TANC2: variants seen among roughly 807,000 people sequenced by gnomAD.
The protein encoded by TANC2 is protein TANC2.
In TANC2, 26 loss-of-function variants were observed where a neutral mutation model predicts 210.5. The observed-to-expected ratio is 0.12, with a 90% CI of 0.09 to 0.17. The LOEUF (loss-of-function observed/expected upper bound fraction) is 0.17. Among genes scored for constraint, TANC2 ranks in the 10% least tolerant of loss-of-function variants. TANC2 has a pLI of 1.00. For missense variants in TANC2, 2,129 were observed against 2,608.9 expected (o/e 0.82, Z 4.01); for synonymous variants, 931 against 967.1 (o/e 0.96, Z 0.69).
chr17:63,191,572 C>T (rs1293669514), intron 5 of TANC2, among the ~76,000 whole-genome samples: 4 of 152,034 alleles, frequency 2.6e-5, no homozygotes, highest in East Asian at 1.9e-4. Context: ...AAGCAGTTCT[C>T]CTGCCTCAGT....
intron 9 of TANC2, among the ~76,000 whole-genome samples, chr17:63,308,395 G>A (rs772837311): frequency 3.9e-5 from 6 of 152,034 alleles, no homozygotes; most frequent in African/African-American, 7.2e-5. Flanking sequence ...ATTATAGTGA[G>A]TAGTAGTCTT....
intron 6 of TANC2, among the ~76,000 whole-genome samples, chr17:63,196,505 G>T (rs891116927): frequency 6.6e-6 from 1 of 152,110 alleles, no homozygotes; most frequent in Non-Finnish European, 1.5e-5. Context: ...TTGAGATTCC[G>T]CATGTCACAG....
At chr17:63,013,385 C>T (rs914875547) in intron 2 of TANC2, among the ~76,000 whole-genome samples, 2 of 152,106 alleles carry the variant, frequency 1.3e-5, no homozygotes, top group Admixed American at 1.3e-4. Context: ...TAAAGGCAAC[C>T]TGCCACTTTT....
intron 4 of TANC2, among the ~76,000 whole-genome samples, chr17:63,109,846 T>C (rs1361136684): frequency 1.3e-5 from 2 of 151,700 alleles, no homozygotes; most frequent in Non-Finnish European, 2.9e-5. Context: ...CCTTTATTGC[T>C]CCTACCCATT....
At chr17:63,163,125 A>G (rs1356871445) in intron 5 of TANC2, among the ~76,000 whole-genome samples, 2 of 151,840 alleles carry the variant, frequency 1.3e-5, no homozygotes, top group Non-Finnish European at 2.9e-5. Context: ...AAATGAGAAC[A>G]TGAGGGGTGA....
At chr17:63,088,118 A>G (rs1227342675) in intron 3 of TANC2, 1 of 152,088 alleles carries the variant, frequency 6.6e-6, no homozygotes, top group South Asian at 2.1e-4. Flanking sequence ...AAATTTTTCA[A>G]ATATATGTCC....
chr17:63,218,785 A>G (rs1444739047), intron 7 of TANC2, among the ~76,000 whole-genome samples: 1 of 151,990 alleles, frequency 6.6e-6, no homozygotes, highest in African/African-American at 2.4e-5. Context: ...AATGCTAGCT[A>G]AGGGAGGCTG....
intron 7 of TANC2, among the ~76,000 whole-genome samples, chr17:63,201,745 C>T (rs1474219762): frequency 2.0e-5 from 3 of 151,652 alleles, no homozygotes; most frequent in African/African-American, 7.3e-5. Context: ...AAAGGCAATG[C>T]TGATTGGGAC....
chr17:63,410,860 CAAAAAAAAAAAAAAA>C lies in TANC2; in HGVS notation c.3590-636_3590-622del, dbSNP rs34268418. ...AGGGCAACGGAGCAAGACTCCATCT[CAAAAAAAAAAAAAAA>C]AAAAAAAAAAAAAAGAAGCAGAAGA... On this transcript the variant is annotated intron_variant, in intron 21 of 27. Coordinates refer to ENST00000689528, the Ensembl canonical transcript of TANC2. Among the ~76,000 whole-genome samples, 115 of 39,034 alleles carry C rather than the reference CAAAAAAAAAAAAAAA, an allele frequency of 2.9e-3. 1 individual carries two copies. Among genetic ancestry groups the C allele is most frequent in the African/African-American group, 0.01 (108 of 10,510 alleles). The allele number at this position is 39,034 out of a possible 152,430, so 25.6% of individuals were successfully genotyped here.
intron 1 of TANC2, among the ~76,000 whole-genome samples, chr17:62,967,980 C>G (rs1451760996): frequency 5.9e-5 from 9 of 152,206 alleles, no homozygotes; most frequent in Admixed American, 4.6e-4. Context: ...CTCCCTCTCT[C>G]TTGCTCCCCT....
intron 5 of TANC2, among the ~76,000 whole-genome samples, chr17:63,155,403 T>C (rs1162725675): frequency 6.6e-6 from 1 of 152,156 alleles, no homozygotes; most frequent in Non-Finnish European, 1.5e-5. Context: ...TGAACTTCTG[T>C]TGAAAATTTT....
chr17:63,169,738 C>T (rs1467640278), intron 5 of TANC2, among the ~76,000 whole-genome samples: 22 of 151,826 alleles, frequency 1.4e-4, no homozygotes, highest in African/African-American at 3.9e-4. Flanking sequence ...CACTTGAACC[C>T]GGGAGGCGGA....
intron 7 of TANC2, among the ~76,000 whole-genome samples, chr17:63,232,296 G>T (rs2042498372): frequency 6.6e-6 from 1 of 152,154 alleles, no homozygotes; most frequent in Admixed American, 6.5e-5. Flanking sequence ...TGTGCCCTTT[G>T]CTGGAGAGGT....
intron 13 of TANC2, among the ~76,000 whole-genome samples, chr17:63,353,659 T>G (rs562582757): frequency 7.8e-4 from 118 of 151,664 alleles, no homozygotes; most frequent in African/African-American, 2.7e-3. Flanking sequence ...CCCAGAGCCC[T>G]GGGTGAGCTG....
At chr17:63,005,083 A>T (rs1486658550) in intron 1 of TANC2, 1 of 152,232 alleles carries the variant, frequency 6.6e-6, no homozygotes, top group Non-Finnish European at 1.5e-5. Context: ...TTTTAAAAAA[A>T]ATCTTTATAA....
chr17:63,378,418 A>G (rs1300436078), intron 14 of TANC2, among the ~76,000 whole-genome samples: 1 of 152,192 alleles, frequency 6.6e-6, no homozygotes, highest in African/African-American at 2.4e-5. Flanking sequence ...CAAAATTCCA[A>G]TTCAAATAGA....
At chr17:63,154,499 C>T (rs2039768507) in intron 5 of TANC2, 1 of 152,102 alleles carries the variant, frequency 6.6e-6, no homozygotes, top group South Asian at 2.1e-4. Context: ...ATTCATCCTA[C>T]ACTCTATCAC....
chr17:63,406,552 T>C (rs2048514293), intron 21 of TANC2, among the ~76,000 whole-genome samples: 1 of 152,236 alleles, frequency 6.6e-6, no homozygotes, highest in Non-Finnish European at 1.5e-5. Flanking sequence ...TTTAAAAATA[T>C]ATACTCAATA....
At chr17:63,256,175 T>A (rs67606816) in intron 8 of TANC2, among the ~76,000 whole-genome samples, 1,614 of 152,308 alleles carry the variant, frequency 0.011, 18 homozygotes, top group Non-Finnish European at 0.019. Flanking sequence ...CCCAAAGTGC[T>A]AGGATTACAG....
Sources: gnomAD v4.1 joint callset for allele counts (sites outside exome capture counted in the v4.1 genomes callset) on GRCh38, gnomAD v4.1.1 for gene constraint, MANE v1.5 for transcripts, NCBI Gene and HGNC (gene_info 2026-07-23, HGNC 2026-07-21) for gene names.